The following NFATC2IP variants were observed in gnomAD, a reference collection of about 807,000 sequenced individuals.
NFATC2IP encodes the protein nuclear factor of activated T cells 2 interacting protein.
NFATC2IP carries 25 observed loss-of-function variants against 40.2 expected under a neutral mutation model. The observed-to-expected ratio is 0.62, with a 90% CI of 0.45 to 0.87. The LOEUF (loss-of-function observed/expected upper bound fraction) is 0.87. Among genes scored for constraint, NFATC2IP ranks in the 40% least tolerant of loss-of-function variants. The probability of loss-of-function intolerance (pLI) is 0.00; values close to 1 mark genes in which losing one functional copy is unlikely to be tolerated. For missense variants in NFATC2IP, 553 were observed against 555.6 expected (o/e 1.00, Z 0.05); for synonymous variants, 241 against 236.3 (o/e 1.02, Z -0.18).
chr16:28,951,038 C>A lies in NFATC2IP; in HGVS notation c.27C>A (p.Gly9=). The change falls in exon 1 of 8, where the codon GGC becomes GGA. Residue 9 remains glycine, a synonymous_variant. Transcript: ENST00000320805. ...TGGCGGAGCCTGTGGGGAAGCGGGG[C>A]CGCTGGTCCGGAGGTAGCGGTGCCG... MAEPVGKR[G]RWSGGSGAGR... is the part of the protein sequence containing the mutation. 6.6e-7 allele frequency: 1 copy of A among 1,526,304 alleles called. No individual in the cohort carries two copies. Among genetic ancestry groups the A allele is most frequent in the Admixed American group, 2.1e-5 (1 of 46,764 alleles). The allele number at this position is 1,526,304 out of a possible 1,614,324, so 94.5% of individuals were successfully genotyped here. A position where few individuals can be genotyped will look rare whatever the true frequency, so the allele number is the denominator to read the frequency against.
At chr16:28,963,581 G>T in intron 7 of NFATC2IP, 124 bp from the exon 8 acceptor site, 1 of 783,808 alleles carries the variant, frequency 1.3e-6, no homozygotes, top group Non-Finnish European at 2.0e-6. Context: ...TCCCCGCATG[G>T]GGCCCTGACT....
Position 28,956,177 on chromosome 16 carries a change from T to G in NFATC2IP, c.686T>G (p.Leu229Arg). 2 of 1,613,940 alleles carry G rather than the reference T, an allele frequency of 1.2e-6. No individual in the cohort carries two copies. Among genetic ancestry groups the G allele is most frequent in the Non-Finnish European group, 1.7e-6 (2 of 1,179,980 alleles). ...LSEVNKRLQD[L>R]RSCLSPKPPQ... Reference sequence around the variant, plus strand: ...GAGGTGAACAAGCGCCTCCAGGATCTCCGTTCCTGTCTGAGCCCCAAGCCA... The same window carrying G: ...GAGGTGAACAAGCGCCTCCAGGATCGCCGTTCCTGTCTGAGCCCCAAGCCA... The change falls in exon 5 of 8, where the codon CTC becomes CGC. Residue 229 changes from leucine to arginine, a missense_variant. Leu to Arg is a moderately radical substitution (Grantham distance 102). Transcript: ENST00000320805.
intron 5 of NFATC2IP, among the ~76,000 whole-genome samples, chr16:28,958,041 C>G (rs1168301992): frequency 6.6e-6 from 1 of 151,318 alleles, no homozygotes; most frequent in South Asian, 2.1e-4. Context: ...GACTCTGCCT[C>G]AGATCTCACC....
At position 28,958,978 on chromosome 16, in the gene NFATC2IP, C is replaced by T; in HGVS notation, c.992-13C>T. ...CCCACTTAGCCCTGGCTTCCTGATT[C>T]TGCCTCCCACAGACTGTGTGGTACT... On this transcript the variant is annotated splice_polypyrimidine_tract_variant and intron_variant, in intron 6 of 7. Coordinates refer to ENST00000320805, the MANE Select transcript of NFATC2IP (RefSeq NM_032815.4). 1 of 1,609,718 alleles carries T rather than the reference C, an allele frequency of 6.2e-7. No homozygotes were observed. The highest frequency in any genetic ancestry group is 8.5e-7 in the Non-Finnish European group (1 of 1,176,056).
intron 5 of NFATC2IP, chr16:28,957,672 C>G (rs1217911294): frequency 1.3e-5 from 2 of 151,672 alleles, no homozygotes; most frequent in Non-Finnish European, 2.9e-5. Flanking sequence ...GAGATGGGAT[C>G]TTGCTTTGTT....
chr16:28,958,606 G>T lies in NFATC2IP; in HGVS notation c.847-111G>T, dbSNP rs777824928. ...CCAGGTAAATATGATGAAACTCACA[G>T]CTGAGGAGCTTAGCAAGTAGCTAAG... On this transcript the variant is annotated intron_variant, in intron 5 of 7. Coordinates refer to ENST00000320805, the MANE Select transcript of NFATC2IP (RefSeq NM_032815.4). 4 of 902,186 alleles carry T rather than the reference G, an allele frequency of 4.4e-6. No individual in the cohort carries two copies. The Admixed American group carries it at 6.9e-5, about 16-fold the overall frequency. 55.9% of individuals were successfully genotyped at this position (902,186 alleles called of 1,614,324 possible).
chr16:28,956,042 G>T lies in NFATC2IP; in HGVS notation c.643G>T (p.Ala215Ser). 6.2e-7 allele frequency: 1 copy of T among 1,614,114 alleles called. No individual in the cohort carries two copies. Among genetic ancestry groups the T allele is most frequent in the Non-Finnish European group, 8.5e-7 (1 of 1,180,018 alleles). Reference protein sequence around the residue: ...PRTKSRTHTRALKKLSEVNKR... With the variant: ...PRTKSRTHTRSLKKLSEVNKR... ...GACCAAAAGCAGAACGCATACTCGG[G>T]CACTCAAGAAGTTAAGGTGCCAAGT... is the stretch of plus-strand genomic sequence containing the variant. The change falls in exon 4 of 8, where the codon GCA becomes TCA. Residue 215 changes from alanine (A) to serine (S), a missense_variant. Physicochemically the swap from Ala to Ser is moderately conservative, Grantham distance 99. Transcript: ENST00000320805.
intron 5 of NFATC2IP, 84 bp from the exon 6 acceptor site, chr16:28,958,633 C>A: frequency 3.4e-6 from 4 of 1,179,118 alleles, no homozygotes; most frequent in Non-Finnish European, 4.9e-6. Flanking sequence ...GTAGCTAAGG[C>A]CAGAGCTTGT....
Position 28,956,291 on chromosome 16 carries a change from T to C in NFATC2IP, c.800T>C (p.Leu267Pro). 1 of 1,613,396 alleles carries C rather than the reference T, an allele frequency of 6.2e-7. No individual in the cohort carries two copies. The highest frequency in any genetic ancestry group is 8.5e-7 in the Non-Finnish European group (1 of 1,179,512). Residue 267 changes from leucine to proline, a missense_variant, in exon 5 of 8, where the codon CTC becomes CCC. Transcript: ENST00000320805. ...TLPETPRLFP[L>P]KIRCRADLVR... ...CCAGAGACCCCCCGACTCTTCCCAC[T>C]CAAAATCCGTTGCCGGGCTGACCTG... is the stretch of plus-strand genomic sequence containing the variant.
Position 28,951,085 on chromosome 16 carries a change from G to T in NFATC2IP, c.74G>T (p.Trp25Leu). ...GCCGGCCGAGGGGGTCGGGGCGGCT[G>T]GGGCGGTCGGGGCCGGCGTCCTCGG... Reference protein sequence around the residue: ...SGAGRGGRGGWGGRGRRPRAQ... With the variant: ...SGAGRGGRGGLGGRGRRPRAQ... The change falls in exon 1 of 8, where the codon TGG becomes TTG. Residue 25 changes from tryptophan to leucine, a missense_variant. Trp to Leu is a moderately conservative substitution (Grantham distance 61). Coordinates refer to ENST00000320805, the MANE Select transcript of NFATC2IP (RefSeq NM_032815.4). The T allele has an allele frequency of 6.5e-7, 1 of 1,543,086 alleles. No homozygotes were observed. Among genetic ancestry groups the T allele is most frequent in the Non-Finnish European group, 8.7e-7 (1 of 1,143,332 alleles).
chr16:28,959,860 G>A (rs769924989), intron 7 of NFATC2IP, among the ~76,000 whole-genome samples: 16 of 152,134 alleles, frequency 1.1e-4, no homozygotes, highest in Non-Finnish European at 1.5e-4. Context: ...GAGCCACCGC[G>A]CCTGGCCTGC....
At chr16:28,963,151 T>C (rs1356877763) in intron 7 of NFATC2IP, among the ~76,000 whole-genome samples, 1 of 152,114 alleles carries the variant, frequency 6.6e-6, no homozygotes, top group African/African-American at 2.4e-5. Flanking sequence ...CCCACGGCAT[T>C]AGCACTCGTC....
At chr16:28,961,899 C>CAA (rs1161300546) in intron 7 of NFATC2IP, among the ~76,000 whole-genome samples, 6,117 of 48,952 alleles carry the variant, frequency 0.12, 720 homozygotes, top group Non-Finnish European at 0.18. Context: ...GACTTCGTCT[C>CAA]AAAAAAAAAA....
chr16:28,962,883 C>G (rs1965102053), intron 7 of NFATC2IP, among the ~76,000 whole-genome samples: 1 of 152,146 alleles, frequency 6.6e-6, no homozygotes, highest in Non-Finnish European at 1.5e-5. Flanking sequence ...GTGTCTGTTC[C>G]ATAAGCATAC....
At chr16:28,953,041 T>G (rs948063329) in intron 2 of NFATC2IP, among the ~76,000 whole-genome samples, 3 of 146,996 alleles carry the variant, frequency 2.0e-5, no homozygotes, top group Admixed American at 6.8e-5. Context: ...CGGCCTCAGC[T>G]CTATCTCTTA....
intron 7 of NFATC2IP, 102 bp from the exon 8 acceptor site, chr16:28,963,603 G>A (rs762651482): frequency 1.1e-4 from 112 of 1,002,900 alleles, no homozygotes; most frequent in East Asian, 2.2e-4. Context: ...TATTGTTTCC[G>A]CCCCTGCCGC....
chr16:28,963,962 C>A lies in NFATC2IP; in HGVS notation c.*99C>A. 1 of 1,109,264 alleles carries A rather than the reference C, an allele frequency of 9.0e-7. No individual in the cohort carries two copies. The highest frequency in any genetic ancestry group is 1.3e-6 in the Non-Finnish European group (1 of 772,036). The allele number at this position is 1,109,264 out of a possible 1,614,324, so 68.7% of individuals were successfully genotyped here. ...TAGCATAAGCTGAGGTAGAACTTAT[C>A]TTTAAGCTGCAGCAAAATCAAGGAG... On this transcript the variant is annotated 3_prime_UTR_variant, in exon 8 of 8. Coordinates refer to ENST00000320805, the MANE Select transcript of NFATC2IP (RefSeq NM_032815.4).
chr16:28,951,691 T>C (rs62037422), intron 1 of NFATC2IP, among the ~76,000 whole-genome samples: 42,104 of 151,674 alleles, frequency 0.28, 6,960 homozygotes, highest in Middle Eastern at 0.37. Flanking sequence ...GGAGAGGGAC[T>C]GGGAGGACCT....
rs371881518 is a variant in NFATC2IP at position 28,956,109 on chromosome 16, G to A, written c.660-42G>A. On this transcript the variant is annotated intron_variant, in intron 4 of 7. Transcript: ENST00000320805. Reference sequence around the variant, plus strand: ...GGATGGAAGAGGGCAATCCGGGAGGGTGGCTGACTCCAGTTGACCCAGAGT... The same window carrying A: ...GGATGGAAGAGGGCAATCCGGGAGGATGGCTGACTCCAGTTGACCCAGAGT... 9 of 1,613,230 alleles carry A rather than the reference G, an allele frequency of 5.6e-6. No individual in the cohort carries two copies. The African/African-American group carries it at 6.7e-5, about 12-fold the overall frequency.
Sources: allele counts gnomAD v4.1 joint callset (sites outside exome capture counted in the v4.1 genomes callset), GRCh38; gene constraint gnomAD v4.1.1; transcripts MANE v1.5; gene names NCBI Gene and HGNC (gene_info 2026-07-23, HGNC 2026-07-21).